Variants in ARHGAP15 observed in about 807,000 individuals in gnomAD.
ARHGAP15 encodes Rho GTPase activating protein 15.
In ARHGAP15, 51 loss-of-function variants were observed where a neutral mutation model predicts 63.7. The observed-to-expected ratio is 0.80, with a 90% CI of 0.64 to 1.01. The LOEUF (loss-of-function observed/expected upper bound fraction) is 1.01. Among genes scored for constraint, ARHGAP15 ranks in the 50% least tolerant of loss-of-function variants. ARHGAP15 has a pLI of 0.00. For synonymous variants in ARHGAP15, 191 were observed against 193.8 expected, an observed-to-expected ratio of 0.99 and a Z score of 0.12; for missense variants, 560 against 564.6, an observed-to-expected ratio of 0.99 and a Z score of 0.08.
chr2:143,295,425 TGAG>T (rs911536954), intron 6 of ARHGAP15: 2 of 122,478 alleles, frequency 1.6e-5, no homozygotes, highest in Non-Finnish European at 3.5e-5. Flanking sequence ...TAGATTCTGT[TGAG>T]GAGAAGAGAC....
chr2:143,406,641 T>A (rs1688211241), intron 6 of ARHGAP15, among the ~76,000 whole-genome samples: 1 of 151,950 alleles, frequency 6.6e-6, no homozygotes, highest in African/African-American at 2.4e-5. Context: ...TATACTTTAT[T>A]TAATCAGGCA....
At chr2:143,154,217 A>G (rs1689990574) in intron 1 of ARHGAP15, among the ~76,000 whole-genome samples, 1 of 151,806 alleles carries the variant, frequency 6.6e-6, no homozygotes, top group Non-Finnish European at 1.5e-5. Flanking sequence ...TCAACCATTG[A>G]GCACATTGCT....
chr2:143,131,846 T>G (rs1688929255), intron 1 of ARHGAP15, among the ~76,000 whole-genome samples: 2 of 152,070 alleles, frequency 1.3e-5, no homozygotes, highest in South Asian at 2.1e-4. Context: ...GGGGAAGACT[T>G]TAGAGGGAGA....
At chr2:143,238,976 A>G (rs1023689042) in intron 5 of ARHGAP15, among the ~76,000 whole-genome samples, 6 of 152,146 alleles carry the variant, frequency 3.9e-5, no homozygotes, top group African/African-American at 1.4e-4. Context: ...GAGCTGAATA[A>G]TGAGAACACA....
At chr2:143,181,370 C>T (rs913124461) in intron 2 of ARHGAP15, among the ~76,000 whole-genome samples, 6 of 152,170 alleles carry the variant, frequency 3.9e-5, no homozygotes, top group African/African-American at 1.4e-4. Context: ...TCCTTTGAAG[C>T]TTTGAAACCA....
chr2:143,163,543 A>G (rs578032885), intron 2 of ARHGAP15, among the ~76,000 whole-genome samples: 1 of 151,962 alleles, frequency 6.6e-6, no homozygotes, highest in Non-Finnish European at 1.5e-5. Flanking sequence ...AAATATCAAG[A>G]TTGCCTCAAG....
chr2:143,466,844 C>T (rs925736011), intron 8 of ARHGAP15, among the ~76,000 whole-genome samples: 4 of 152,118 alleles, frequency 2.6e-5, no homozygotes, highest in African/African-American at 9.6e-5. Context: ...TGAAACAACA[C>T]CCATTACAAT....
At chr2:143,368,969 A>T (rs1481081259) in intron 6 of ARHGAP15, among the ~76,000 whole-genome samples, 1 of 152,162 alleles carries the variant, frequency 6.6e-6, no homozygotes, top group Non-Finnish European at 1.5e-5. Context: ...CAGAGAAAAT[A>T]AAAATAACAA....
At chr2:143,360,350 A>G (rs1352414886) in intron 6 of ARHGAP15, among the ~76,000 whole-genome samples, 4 of 152,142 alleles carry the variant, frequency 2.6e-5, no homozygotes, top group African/African-American at 9.7e-5. Context: ...GTGCCACTGC[A>G]ATCGCGCCTG....
At chr2:143,419,328 A>C (rs1360710162) in intron 6 of ARHGAP15, among the ~76,000 whole-genome samples, 1 of 152,158 alleles carries the variant, frequency 6.6e-6, no homozygotes, top group Non-Finnish European at 1.5e-5. Context: ...CTAGAAAATG[A>C]TTAGTAATGC....
At chr2:143,507,528 C>G (rs1171699918) in intron 9 of ARHGAP15, among the ~76,000 whole-genome samples, 1 of 152,190 alleles carries the variant, frequency 6.6e-6, no homozygotes, top group Non-Finnish European at 1.5e-5. Context: ...TTTCTCATTT[C>G]ATTCTTATTC....
At chr2:143,710,685 G>A (rs537055989) in intron 13 of ARHGAP15, among the ~76,000 whole-genome samples, 1 of 152,252 alleles carries the variant, frequency 6.6e-6, no homozygotes, top group East Asian at 1.9e-4. Flanking sequence ...ATGGCCAACT[G>A]TATGAGGGTA....
At chr2:143,574,161 C>T (rs1481037060) in intron 11 of ARHGAP15, among the ~76,000 whole-genome samples, 1 of 152,122 alleles carries the variant, frequency 6.6e-6, no homozygotes, top group African/African-American at 2.4e-5. Context: ...TGCAGCCACA[C>T]TGACACTCAC....
At chr2:143,468,472 A>G (rs1691346399) in intron 8 of ARHGAP15, among the ~76,000 whole-genome samples, 1 of 152,118 alleles carries the variant, frequency 6.6e-6, no homozygotes, top group Non-Finnish European at 1.5e-5. Flanking sequence ...ACCTTTTAGA[A>G]ATGGATATTG....
At position 143,408,937 on chromosome 2, in the gene ARHGAP15, TAAAAG is replaced by T. The variant is rs767487890; in HGVS notation, c.475-26661_475-26657del. Among the ~76,000 whole-genome samples the T allele has an allele frequency of 3.3e-5, 5 of 151,900 alleles. No homozygotes were observed. The South Asian group carries it at 1.0e-3, about 31-fold the overall frequency. ...TTTTTTGTTCATTTGGGACTATAGA[TAAAAG>T]AAGATAATGTTCTCTTCCTTTAAAG... On this transcript the variant is annotated intron_variant, in intron 6 of 13. Coordinates refer to ENST00000295095, the MANE Select transcript of ARHGAP15 (RefSeq NM_018460.4).
At chr2:143,136,361 T>TA (rs1209698359) in intron 1 of ARHGAP15, among the ~76,000 whole-genome samples, 2 of 152,042 alleles carry the variant, frequency 1.3e-5, no homozygotes, top group African/African-American at 2.4e-5. Flanking sequence ...ATGACTTTTC[T>TA]AAAAAAATCT....
rs749488914 is a variant in ARHGAP15, at chr2:143,487,386, T to A, written c.717T>A (p.His239Gln). Residue 239 changes from histidine (H) to glutamine (Q), a missense_variant, in exon 9 of 14, where the codon CAT becomes CAA. Coordinates refer to ENST00000295095, the MANE Select transcript of ARHGAP15 (RefSeq NM_018460.4). ...EHRKSLMFRL[H>Q]HSASDTSDKN... ...TTAAATCTTCAGTGTTCAGACTGCA[T>A]CACAGTGCTTCCGATACAAGCGACA... 6.2e-7 allele frequency: 1 copy of A among 1,613,506 alleles called. No homozygotes were observed. Among genetic ancestry groups the A allele is most frequent in the Non-Finnish European group, 8.5e-7 (1 of 1,179,810 alleles).
intron 9 of ARHGAP15, among the ~76,000 whole-genome samples, chr2:143,505,744 A>C (rs1693281583): frequency 6.6e-6 from 1 of 152,180 alleles, no homozygotes; most frequent in Admixed American, 6.5e-5. Flanking sequence ...GTTTATTAAA[A>C]AATCCTTTAC....
At chr2:143,497,243 C>T (rs1247488252) in intron 9 of ARHGAP15, among the ~76,000 whole-genome samples, 1 of 152,140 alleles carries the variant, frequency 6.6e-6, no homozygotes, top group Non-Finnish European at 1.5e-5. Context: ...AGTTGATGTG[C>T]TCTCGAAAGC....
Sources: gnomAD v4.1 joint callset for allele counts (sites outside exome capture counted in the v4.1 genomes callset) on GRCh38, gnomAD v4.1.1 for gene constraint, MANE v1.5 for transcripts, NCBI Gene and HGNC (gene_info 2026-07-23, HGNC 2026-07-21) for gene names.